Variants in FAM149A observed in about 807,000 individuals in gnomAD.
The protein encoded by FAM149A is family with sequence similarity 149 member A.
A neutral mutation model predicts 78.2 loss-of-function variants in FAM149A; 71 were observed. The ratio of observed to expected loss-of-function variants is 0.91; its 90% confidence interval spans 0.75 to 1.11. The LOEUF (loss-of-function observed/expected upper bound fraction) is 1.11, where lower values mean the gene tolerates loss of function less well. Among genes scored for constraint, FAM149A ranks in the 50% least tolerant of loss-of-function variants. The pLI is 0.00. For missense variants in FAM149A, 1,036 were observed against 971.0 expected, an observed-to-expected ratio of 1.07 and a Z score of -0.89; for synonymous variants, 446 against 410.5, an observed-to-expected ratio of 1.09 and a Z score of -1.04.
intron 1 of FAM149A, chr4:186,118,356 A>G (rs894450844): frequency 2.3e-6 from 1 of 439,690 alleles, no homozygotes; most frequent in African/African-American, 2.1e-5. Flanking sequence ...TTCCCTGTCC[A>G]TGAAGCGGTA....
chr4:186,128,708 T>C (rs2099319378), intron 1 of FAM149A, among the ~76,000 whole-genome samples: 1 of 152,224 alleles, frequency 6.6e-6, no homozygotes, highest in African/African-American at 2.4e-5. Context: ...CTTTATTATT[T>C]AATGTACTTC....
chr4:186,116,666 C>T (rs559717209), intron 1 of FAM149A: 44 of 958,302 alleles, frequency 4.6e-5, no homozygotes, highest in South Asian at 2.4e-4. Flanking sequence ...GGCACGATCT[C>T]GGCTCACTGC....
At chr4:186,111,067 A>G (rs2099311069) in intron 1 of FAM149A, among the ~76,000 whole-genome samples, 1 of 134,182 alleles carries the variant, frequency 7.5e-6, no homozygotes, top group Non-Finnish European at 1.6e-5. Context: ...TTGTTTCCTG[A>G]CTTTTTAATG....
At chr4:186,109,689 C>G in intron 1 of FAM149A, 1 of 982,738 alleles carries the variant, frequency 1.0e-6, no homozygotes, top group Non-Finnish European at 1.2e-6. Flanking sequence ...ATGATTACTA[C>G]CTGCTTCTTG....
chr4:186,126,208 G>A (rs193261323), intron 1 of FAM149A: 45 of 538,994 alleles, frequency 8.3e-5, no homozygotes, highest in Middle Eastern at 9.7e-4. Flanking sequence ...TTACCAAAAA[G>A]GATACCTTGA....
intron 9 of FAM149A, 50 bp from the exon 10 acceptor site, chr4:186,163,374 C>T (rs1734766937): frequency 6.7e-7 from 1 of 1,492,174 alleles, no homozygotes; most frequent in Non-Finnish European, 9.3e-7. Context: ...GGTGCGTTCC[C>T]TGTTATCACA....
chr4:186,162,774 C>A, intron 8 of FAM149A, 71 bp from the exon 9 acceptor site: 2 of 783,944 alleles, frequency 2.6e-6, no homozygotes, highest in East Asian at 2.7e-5. Flanking sequence ...TTCGGACAAG[C>A]ATCAGTCATT....
chr4:186,116,702 A>C (rs1321130332), intron 1 of FAM149A: 1 of 965,978 alleles, frequency 1.0e-6, no homozygotes, highest in Non-Finnish European at 1.2e-6. Context: ...GGTTAAAGTG[A>C]TTCTCCTGCC....
intron 1 of FAM149A, among the ~76,000 whole-genome samples, chr4:186,142,232 G>A (rs1561398986): frequency 6.6e-6 from 1 of 152,190 alleles, no homozygotes; most frequent in Non-Finnish European, 1.5e-5. Flanking sequence ...TTGGACAGGT[G>A]CCCACTGGGG....
chr4:186,161,170 C>T (rs543017134), intron 8 of FAM149A, among the ~76,000 whole-genome samples: 2 of 152,086 alleles, frequency 1.3e-5, no homozygotes, highest in Non-Finnish European at 2.9e-5. Context: ...GATCATAAGT[C>T]CTCTGGGAGT....
chr4:186,169,782 A>G (rs1735377131), intron 13 of FAM149A: 1 of 985,278 alleles, frequency 1.0e-6, no homozygotes, highest in Non-Finnish European at 1.2e-6. Flanking sequence ...GCAATCACAT[A>G]TGGCCACTTA....
chr4:186,150,562 G>A, intron 3 of FAM149A, among the ~76,000 whole-genome samples: 2 of 89,718 alleles, frequency 2.2e-5, no homozygotes, highest in African/African-American at 4.3e-5. Context: ...TGGGACCACA[G>A]GCGCCCACCA....
intron 1 of FAM149A, among the ~76,000 whole-genome samples, chr4:186,113,179 T>G (rs2099312026): frequency 4.4e-5 from 1 of 22,892 alleles, no homozygotes; most frequent in African/African-American, 1.2e-4. Flanking sequence ...TCTAGTTTAT[T>G]TGCGTAGAGG....
At chr4:186,129,281 G>T (rs1357995492) in intron 1 of FAM149A, among the ~76,000 whole-genome samples, 1 of 151,988 alleles carries the variant, frequency 6.6e-6, no homozygotes, top group Non-Finnish European at 1.5e-5. Flanking sequence ...CTCTGTTTTT[G>T]CTCCACACTG....
intron 1 of FAM149A, chr4:186,117,371 G>A (rs186868208): frequency 5.4e-5 from 50 of 931,802 alleles, no homozygotes; most frequent in South Asian, 3.0e-4. Flanking sequence ...ACTGGAAATG[G>A]ATCTTATGAA....
chr4:186,106,991 A>G (rs1456649501), intron 1 of FAM149A, among the ~76,000 whole-genome samples: 1 of 152,196 alleles, frequency 6.6e-6, no homozygotes, highest in Admixed American at 6.5e-5. Context: ...CAGTTAAGCA[A>G]AAAGTTGTTC....
chr4:186,147,654 C>T (rs1733164348), intron 1 of FAM149A, among the ~76,000 whole-genome samples: 3 of 152,174 alleles, frequency 2.0e-5, no homozygotes, highest in Non-Finnish European at 4.4e-5. Flanking sequence ...ACTCCTATAC[C>T]AGTATGTTTT....
chr4:186,109,326 TGA>T, intron 1 of FAM149A: 2 of 590,278 alleles, frequency 3.4e-6, no homozygotes, highest in Non-Finnish European at 4.3e-6. Context: ...TTTTTTTGAG[TGA>T]TTGAGTTCCA....
intron 1 of FAM149A, chr4:186,117,574 A>C: frequency 1.0e-6 from 1 of 985,454 alleles, no homozygotes. Context: ...TCGGAGACCA[A>C]AGCAGTGTGA....
Sources: gnomAD v4.1 joint callset for allele counts (sites outside exome capture counted in the v4.1 genomes callset) on GRCh38, gnomAD v4.1.1 for gene constraint, MANE v1.5 for transcripts, NCBI Gene and HGNC (gene_info 2026-07-23, HGNC 2026-07-21) for gene names.